Variants in ATP8A2 observed in about 807,000 individuals in gnomAD.
The protein encoded by ATP8A2 is phospholipid-transporting ATPase IB.
Under a neutral mutation model 165.6 loss-of-function variants are expected in ATP8A2, and 100 were observed. That is an observed-to-expected ratio of 0.60 (90% CI 0.51 to 0.71). ATP8A2 has a LOEUF of 0.71. Ranked by LOEUF, ATP8A2 falls within the 30% of genes least tolerant of loss-of-function variation. The pLI is 0.00. For synonymous variants in ATP8A2, 543 were observed against 548.8 expected, an observed-to-expected ratio of 0.99 and a Z score of 0.15; for missense variants, 1,227 against 1,479.5, an observed-to-expected ratio of 0.83 and a Z score of 2.80.
At chr13:25,605,238 C>G (rs1014260038) in intron 24 of ATP8A2, among the ~76,000 whole-genome samples, 1 of 152,006 alleles carries the variant, frequency 6.6e-6, no homozygotes, top group African/African-American at 2.4e-5. Flanking sequence ...CTTATGTAGA[C>G]CTGGACATGT....
At chr13:25,775,036 A>G in intron 27 of ATP8A2, 77 bp downstream of exon 27, 1 of 833,000 alleles carries the variant, frequency 1.2e-6, no homozygotes, top group Non-Finnish European at 1.9e-6. Flanking sequence ...AGTCATTTCA[A>G]GGCAGGATTT....
intron 16 of ATP8A2, among the ~76,000 whole-genome samples, chr13:25,565,936 T>A (rs2039300505): frequency 6.6e-6 from 1 of 152,128 alleles, no homozygotes; most frequent in African/African-American, 2.4e-5. Context: ...CAGTATAAAT[T>A]AGATGTAATA....
chr13:25,470,189 T>A (rs1277818626), intron 2 of ATP8A2, among the ~76,000 whole-genome samples: 1 of 152,260 alleles, frequency 6.6e-6, no homozygotes, highest in African/African-American at 2.4e-5. Context: ...TGGGGTAGAA[T>A]AATGGTGCAT....
Position 25,464,763 on chromosome 13 carries a change from C to A in ATP8A2, c.77-4214C>A, listed in dbSNP as rs186047646. ...ACAGAGAAGGGAGCAGCTGGTTCAG[C>A]GGCTGGGCAGGTACCTAAAAGGCAC... On this transcript the variant is annotated intron_variant, in intron 1 of 36. Coordinates refer to ENST00000381655, the MANE Select transcript of ATP8A2 (RefSeq NM_016529.6). Among the ~76,000 whole-genome samples, 3 of 152,180 alleles carry A rather than the reference C, an allele frequency of 2.0e-5. No individual in the cohort carries two copies. In the South Asian group the frequency reaches 6.2e-4, roughly 32 times the overall value.
chr13:25,958,878 A>G (rs962440859), intron 33 of ATP8A2, among the ~76,000 whole-genome samples: 3 of 152,226 alleles, frequency 2.0e-5, no homozygotes, highest in African/African-American at 4.8e-5. Context: ...TCCCTCAGCA[A>G]CTAAAGTTCT....
At chr13:25,504,801 G>A (rs1260852036) in intron 2 of ATP8A2, among the ~76,000 whole-genome samples, 3 of 149,432 alleles carry the variant, frequency 2.0e-5, no homozygotes, top group Non-Finnish European at 4.4e-5. Flanking sequence ...ACTTTATAGT[G>A]TGATGGGAAA....
intron 2 of ATP8A2, among the ~76,000 whole-genome samples, chr13:25,528,310 A>G (rs1038609321): frequency 1.3e-5 from 2 of 152,218 alleles, no homozygotes; most frequent in African/African-American, 2.4e-5. Flanking sequence ...ATAACATCAC[A>G]TACATTTTTA....
At chr13:25,794,002 G>A (rs555634653) in intron 27 of ATP8A2, among the ~76,000 whole-genome samples, 1 of 152,336 alleles carries the variant, frequency 6.6e-6, no homozygotes, top group Non-Finnish European at 1.5e-5. Context: ...TGGGGGAGAA[G>A]GAGGTAATCG....
intron 2 of ATP8A2, among the ~76,000 whole-genome samples, chr13:25,519,811 ACTATC>A (rs2037604164): frequency 6.6e-6 from 1 of 152,134 alleles, no homozygotes; most frequent in South Asian, 2.1e-4. Context: ...GGGTGAATAA[ACTATC>A]CTGTTGGGAA....
intron 35 of ATP8A2, among the ~76,000 whole-genome samples, chr13:26,010,619 G>A (rs1383003020): frequency 6.6e-6 from 1 of 152,198 alleles, no homozygotes; most frequent in Admixed American, 6.5e-5. Flanking sequence ...GCAGCACAGG[G>A]AGCTGTGGAC....
chr13:25,720,208 C>A (rs2043347767), intron 25 of ATP8A2, among the ~76,000 whole-genome samples: 1 of 136,792 alleles, frequency 7.3e-6, no homozygotes, highest in South Asian at 2.3e-4. Flanking sequence ...CACTCTGTCG[C>A]CCAGGCTGGA....
At chr13:25,567,253 C>T in intron 16 of ATP8A2, 2 of 455,056 alleles carry the variant, frequency 4.4e-6, no homozygotes, top group Non-Finnish European at 8.8e-6. Context: ...CTTCTTGAGC[C>T]TGTCCTCTGT....
chr13:25,468,867 G>C (rs1470740487), intron 1 of ATP8A2, 110 bp from the exon 2 acceptor site: 1 of 1,530,246 alleles, frequency 6.5e-7, no homozygotes, highest in Non-Finnish European at 8.8e-7. Flanking sequence ...CGCCTCACCC[G>C]AGCATCCTTC....
intron 24 of ATP8A2, among the ~76,000 whole-genome samples, chr13:25,610,646 G>A (rs1052661906): frequency 6.6e-6 from 1 of 152,070 alleles, no homozygotes; most frequent in Admixed American, 6.6e-5. Context: ...TTCTAGTCCT[G>A]TAAGGAATGA....
intron 24 of ATP8A2, among the ~76,000 whole-genome samples, chr13:25,638,314 G>A (rs138456069): frequency 0.035 from 5,261 of 152,250 alleles, 158 homozygotes; most frequent in East Asian, 0.13. Context: ...TCTCCAAGCT[G>A]AAGGAGGAAG....
At chr13:25,416,671 C>A (rs17724654) in intron 1 of ATP8A2, among the ~76,000 whole-genome samples, 1 of 152,166 alleles carries the variant, frequency 6.6e-6, no homozygotes, top group East Asian at 1.9e-4. Flanking sequence ...TGGAAAAATT[C>A]CAAAGCCCTC....
intron 1 of ATP8A2, among the ~76,000 whole-genome samples, chr13:25,457,377 A>G (rs893649271): frequency 6.6e-6 from 1 of 152,240 alleles, no homozygotes; most frequent in African/African-American, 2.4e-5. Flanking sequence ...TAGATGATTT[A>G]TGTAGGTAAA....
chr13:25,455,359 T>G (rs4769423), intron 1 of ATP8A2, among the ~76,000 whole-genome samples: 151,284 of 152,338 alleles, frequency 0.99, 75,127 homozygotes, highest in East Asian at 1. Context: ...GCTTGGCACC[T>G]TTCCATCAGG....
intron 27 of ATP8A2, among the ~76,000 whole-genome samples, chr13:25,791,526 TAAAC>T (rs1286188487): frequency 1.0e-5 from 1 of 95,256 alleles, no homozygotes; most frequent in African/African-American, 4.0e-5. Flanking sequence ...TCCCCGAACT[TAAAC>T]ACACACACAC....
Sources: gnomAD v4.1 joint callset for allele counts (sites outside exome capture counted in the v4.1 genomes callset) on GRCh38, gnomAD v4.1.1 for gene constraint, MANE v1.5 for transcripts, NCBI Gene and HGNC (gene_info 2026-07-23, HGNC 2026-07-21) for gene names.